NMUR1: variants seen among roughly 807,000 people sequenced by gnomAD.
The protein encoded by NMUR1 is neuromedin-U receptor 1.
NMUR1 carries 16 observed loss-of-function variants against 18.8 expected under a neutral mutation model. The observed-to-expected ratio is 0.85, with a 90% CI of 0.58 to 1.29. NMUR1 has a LOEUF of 1.29. Among genes scored for constraint, NMUR1 ranks in the 50% most tolerant of loss-of-function variants. The pLI, the probability that NMUR1 is intolerant of heterozygous loss-of-function variation, is 0.00. For missense variants in NMUR1, 529 were observed against 580.3 expected, an observed-to-expected ratio of 0.91 and a Z score of 0.91; for synonymous variants, 258 against 258.2, an observed-to-expected ratio of 1.00 and a Z score of 0.01.
rs1009396968 is a variant in NMUR1 at position 231,524,233 on chromosome 2, T to A, written c.*810A>T. On this transcript the variant is annotated 3_prime_UTR_variant, in exon 3 of 3. Coordinates refer to ENST00000305141, the MANE Select transcript of NMUR1 (RefSeq NM_006056.5). ...GGAAAGCCAGCGCCTCTTTCATTTT[T>A]CAGGCAAGGAACCAAGGCCTAGAAA... The A allele has an allele frequency of 1.6e-4, 25 of 152,388 alleles. No homozygotes were observed. Among genetic ancestry groups the A allele is most frequent in the African/African-American group, 5.8e-4 (24 of 41,592 alleles). The allele number at this position is 152,388 out of a possible 1,614,324, so 9.4% of individuals were successfully genotyped here. A position where few individuals can be genotyped will look rare whatever the true frequency, so the allele number is the denominator to read the frequency against.
At chr2:231,522,152 G>T (rs1304683153), downstream of NMUR1, among the ~76,000 whole-genome samples, 1 of 151,468 alleles carries the variant, frequency 6.6e-6, no homozygotes, top group Non-Finnish European at 1.5e-5. Context: ...GCTACTTTTT[G>T]TGTGTGTGTA....
chr2:231,528,018 C>T (rs2047373382), intron 2 of NMUR1, 105 bp downstream of exon 2: 4 of 1,206,608 alleles, frequency 3.3e-6, no homozygotes, highest in Admixed American at 2.6e-5. Context: ...AGGAGTTCCT[C>T]GTCCCCCATA....
Position 231,529,016 on chromosome 2 carries a change from G to T in NMUR1, c.5C>A (p.Thr2Asn). 1.9e-6 allele frequency: 3 copies of T among 1,601,132 alleles called. No individual in the cohort carries two copies. Among genetic ancestry groups the T allele is most frequent in the Non-Finnish European group, 2.6e-6 (3 of 1,171,864 alleles). M[T>N]PLCLNCSVLP... ...GACAGAGCAATTGAGGCAGAGAGGAGTCTGTGGAACAGAGGGGAGAGATGC... is the reference window on the plus strand; with the variant it reads ...GACAGAGCAATTGAGGCAGAGAGGATTCTGTGGAACAGAGGGGAGAGATGC... The change falls in exon 2 of 3, where the codon ACT (threonine) becomes AAT (asparagine). Residue 2 changes from threonine (T) to asparagine (N), a missense_variant and splice_region_variant. By Grantham distance (65) the Thr-to-Asn change is moderately conservative. Coordinates refer to ENST00000305141, the MANE Select transcript of NMUR1 (RefSeq NM_006056.5).
Position 231,528,868 on chromosome 2 carries a change from G to T in NMUR1, c.153C>A (p.Tyr51Ter), listed in dbSNP as rs200356713. ...NLTDEALRLK[Y>*]LGPQQTELFM... The stretch of plus-strand genomic sequence containing the variant: ...ACAGCTCTGTCTGCTGGGGCCCCAG[G>T]TACTTGAGTCTCAGTGCCTCGTCAG... The change falls in exon 2 of 3, where the codon TAC (tyrosine) becomes TAA (stop). Residue 51 changes from tyrosine (Y) to a stop codon, truncating the protein, a stop_gained. Transcript: ENST00000305141. LOFTEE classifies it high-confidence loss of function. 327 of 1,614,222 alleles carry T rather than the reference G, an allele frequency of 2.0e-4. 1 individual carries two copies. The highest frequency in any genetic ancestry group is 2.5e-6 in the Non-Finnish European group (3 of 1,180,034).
At chr2:231,526,616 T>C (rs1167453737) in intron 2 of NMUR1, among the ~76,000 whole-genome samples, 2 of 152,174 alleles carry the variant, frequency 1.3e-5, no homozygotes, top group Non-Finnish European at 2.9e-5. Context: ...GTCAGCCTCG[T>C]TTCAGGAGCT....
intron 2 of NMUR1, among the ~76,000 whole-genome samples, chr2:231,527,740 T>C (rs1205500441): frequency 1.3e-5 from 2 of 151,910 alleles, no homozygotes; most frequent in African/African-American, 2.4e-5. Context: ...CCCTGCCCTT[T>C]CTGTGTTTTG....
At chr2:231,520,391 C>G (rs1465859368), downstream of NMUR1, among the ~76,000 whole-genome samples, 1 of 152,208 alleles carries the variant, frequency 6.6e-6, no homozygotes, top group Non-Finnish European at 1.5e-5. Flanking sequence ...GTCACTTGCT[C>G]CAGATACAGG....
chr2:231,519,480 C>T (rs1318354644), downstream of NMUR1, among the ~76,000 whole-genome samples: 3 of 152,224 alleles, frequency 2.0e-5, no homozygotes, highest in Non-Finnish European at 4.4e-5. Context: ...CAGACTACAC[C>T]TTGTAGATTT....
rs1411876143 is a variant in NMUR1 at position 231,525,076 on chromosome 2, G to A, written c.1248C>T (p.Gly416=). The change falls in exon 3 of 3, where the codon GGC becomes GGT. Residue 416 remains glycine, a synonymous_variant. Coordinates refer to ENST00000305141, the MANE Select transcript of NMUR1 (RefSeq NM_006056.5). ...SWVHPLAGND[G]PEAQQETDPS Reference sequence around the variant, plus strand: ...GATCGGTCTCTTGCTGCGCCTCTGGGCCATCGTTCCCAGCCAGGGGGTGGA... The same window carrying A: ...GATCGGTCTCTTGCTGCGCCTCTGGACCATCGTTCCCAGCCAGGGGGTGGA... The A allele has an allele frequency of 1.6e-5, 25 of 1,598,974 alleles. No homozygotes were observed. The highest frequency in any genetic ancestry group is 2.0e-5 in the Non-Finnish European group (23 of 1,172,412).
At chr2:231,529,515 A>C (rs1050182294) in intron 1 of NMUR1, among the ~76,000 whole-genome samples, 1 of 151,840 alleles carries the variant, frequency 6.6e-6, no homozygotes, top group East Asian at 1.9e-4. Context: ...AAAAAAAAAA[A>C]ACACGTGGGG....
chr2:231,519,310 C>A (rs962862782), downstream of NMUR1, among the ~76,000 whole-genome samples: 13 of 152,250 alleles, frequency 8.5e-5, no homozygotes, highest in Non-Finnish European at 1.9e-4. Context: ...TTCGCCTTCC[C>A]TGAGTCCCCA....
chr2:231,530,337 A>T (rs1318849787), intron 1 of NMUR1, 22 bp downstream of exon 1: 1 of 1,494,770 alleles, frequency 6.7e-7, no homozygotes, highest in South Asian at 1.2e-5. Context: ...GCCCTAGCCC[A>T]CGCCGGCGCC....
chr2:231,524,962 C>A lies in NMUR1; in HGVS notation c.*81G>T. 1 of 1,485,174 alleles carries A rather than the reference C, an allele frequency of 6.7e-7. No homozygotes were observed. The highest frequency in any genetic ancestry group is 8.9e-7 in the Non-Finnish European group (1 of 1,119,186). 92.0% of individuals were successfully genotyped at this position (1,485,174 alleles called of 1,614,324 possible). A position where few individuals can be genotyped will look rare whatever the true frequency, so the allele number is the denominator to read the frequency against. ...ACTAGGGACAGTACGTGAAGGCATC[C>A]CTGCAGAGGAAGGCAGATGTGTCTC... On this transcript the variant is annotated 3_prime_UTR_variant, in exon 3 of 3. Coordinates refer to ENST00000305141, the MANE Select transcript of NMUR1 (RefSeq NM_006056.5).
intron 2 of NMUR1, among the ~76,000 whole-genome samples, chr2:231,526,072 A>T (rs1404846443): frequency 2.0e-5 from 3 of 148,978 alleles, no homozygotes; most frequent in Non-Finnish European, 4.5e-5. Flanking sequence ...CCTGCCCCCC[A>T]TCTTACTTGC....
rs2047343685 is a variant in NMUR1, at chr2:231,525,235, G to A, written c.1089C>T (p.Phe363=). 4 of 1,614,196 alleles carry A rather than the reference G, an allele frequency of 2.5e-6. No individual in the cohort carries two copies. The highest frequency in any genetic ancestry group is 2.2e-5 in the East Asian group (1 of 44,882). ...PVLYSLMSSR[F]RETFQEALCL... ...ACAGGGCCTCCTGGAAGGTCTCTCG[G>A]AAGCGGCTGGACATGAGGCTATAGA... The change falls in exon 3 of 3, where the codon TTC becomes TTT. Residue 363 remains phenylalanine, a synonymous_variant. Transcript: ENST00000305141.
downstream of NMUR1, among the ~76,000 whole-genome samples, chr2:231,519,206 G>A (rs1311403157): frequency 6.6e-6 from 1 of 152,184 alleles, no homozygotes; most frequent in Non-Finnish European, 1.5e-5. Flanking sequence ...AAACTCTTGT[G>A]GATGTTCCAT....
At chr2:231,526,561 C>T (rs145626394) in intron 2 of NMUR1, among the ~76,000 whole-genome samples, 58 of 152,344 alleles carry the variant, frequency 3.8e-4, no homozygotes, top group Non-Finnish European at 7.3e-4. Context: ...GTCCTGAGCA[C>T]AGGCTTCACC....
At chr2:231,529,407 C>T (rs367856148) in intron 1 of NMUR1, among the ~76,000 whole-genome samples, 3 of 151,858 alleles carry the variant, frequency 2.0e-5, no homozygotes, top group East Asian at 1.9e-4. Flanking sequence ...TTGCAGTGAG[C>T]GGAGATTGTG....
chr2:231,523,430 T>C lies in NMUR1; in HGVS notation c.*1613A>G. ...CCTCACTTGCCCTTCCCCCATTCCCTGGCAAGAGAGGTTTTACATTTTTAA... is the reference window on the plus strand; with the variant it reads ...CCTCACTTGCCCTTCCCCCATTCCCCGGCAAGAGAGGTTTTACATTTTTAA... On this transcript the variant is annotated 3_prime_UTR_variant, in exon 3 of 3. Coordinates refer to ENST00000305141, the MANE Select transcript of NMUR1 (RefSeq NM_006056.5). 1 of 334,584 alleles carries C rather than the reference T, an allele frequency of 3.0e-6. No individual in the cohort carries two copies. The highest frequency in any genetic ancestry group is 5.5e-6 in the Non-Finnish European group (1 of 182,890). 20.7% of individuals were successfully genotyped at this position (334,584 alleles called of 1,614,324 possible). A position where few individuals can be genotyped will look rare whatever the true frequency, so the allele number is the denominator to read the frequency against.
Sources: gnomAD v4.1 joint callset for allele counts (sites outside exome capture counted in the v4.1 genomes callset) on GRCh38, gnomAD v4.1.1 for gene constraint, MANE v1.5 for transcripts, NCBI Gene and HGNC (gene_info 2026-07-23, HGNC 2026-07-21) for gene names.